The following RREB1 variants were observed in gnomAD, a reference collection of about 807,000 sequenced individuals.
The protein encoded by RREB1 is ras responsive element binding protein 1, also known as ras-responsive element-binding protein 1.
RREB1 carries 27 observed loss-of-function variants against 117.8 expected under a neutral mutation model. That is an observed-to-expected ratio of 0.23 (90% CI 0.17 to 0.32). The LOEUF (loss-of-function observed/expected upper bound fraction) is 0.32. Ranked by LOEUF, RREB1 falls within the 10% of genes least tolerant of loss-of-function variation. The pLI is 1.00. For synonymous variants in RREB1, 1,298 were observed against 1,026.7 expected (o/e 1.26, Z -5.05); for missense variants, 2,577 against 2,378.2 (o/e 1.08, Z -1.74).
Position 7,231,659 on chromosome 6 carries a change from C to T in RREB1, c.3560C>T (p.Thr1187Ile), listed in dbSNP as rs756679413. ...GCCAGCATCGAGAAGATGCTGGCCA[C>T]CACAGACACCAACAAGTTCAGTCCG... Reference protein sequence around the residue: ...EFASIEKMLATTDTNKFSPFL... With the variant: ...EFASIEKMLAITDTNKFSPFL... Residue 1187 changes from threonine to isoleucine, a missense_variant, in exon 10 of 13, where the codon ACC (threonine) becomes ATC (isoleucine). Thr to Ile is a moderately conservative substitution (Grantham distance 89). Transcript: ENST00000379938. 6.2e-7 allele frequency: 1 copy of T among 1,611,664 alleles called. No individual in the cohort carries two copies.
intron 1 of RREB1, among the ~76,000 whole-genome samples, chr6:7,115,783 C>T (rs1452015104): frequency 1.3e-5 from 2 of 152,180 alleles, no homozygotes; most frequent in African/African-American, 4.8e-5. Context: ...GATCACCCTG[C>T]AAGTACCTTA....
chr6:7,210,906 C>T lies in RREB1; in HGVS notation c.528C>T (p.His176=), dbSNP rs746694845. ...RRLSSKRKLS[H]DAESEREDPA... ...TGTCCTCCAAGAGGAAACTGAGTCA[C>T]GATGCCGAGTCAGAGAGAGAAGACC... The change falls in exon 7 of 13, where the codon CAC becomes CAT. Residue 176 remains histidine, a synonymous_variant. Transcript: ENST00000379938. 38 of 1,614,166 alleles carry T rather than the reference C, an allele frequency of 2.4e-5. No individual in the cohort carries two copies. The highest frequency in any genetic ancestry group is 7.7e-5 in the South Asian group (7 of 91,078).
intron 6 of RREB1, among the ~76,000 whole-genome samples, chr6:7,193,601 TTTTTG>T (rs561592143): frequency 1.3e-5 from 2 of 152,212 alleles, no homozygotes; most frequent in African/African-American, 4.8e-5. Flanking sequence ...ATTTGTTGTT[TTTTTG>T]TTTTGTTTTG....
intron 1 of RREB1, among the ~76,000 whole-genome samples, chr6:7,148,593 G>A (rs887550704): frequency 1.3e-5 from 2 of 151,884 alleles, no homozygotes; most frequent in South Asian, 4.1e-4. Flanking sequence ...AGTGTAAGTT[G>A]TTCATCGTGA....
intron 8 of RREB1, chr6:7,217,747 TTTTTATATAAAA>T (rs1766988652): frequency 1.3e-5 from 2 of 152,122 alleles, no homozygotes; most frequent in African/African-American, 4.8e-5. Context: ...TAGAATGTAT[TTTTTATATAAAA>T]TTTTATATAA....
At chr6:7,224,711 G>A (rs544930099) in intron 8 of RREB1, among the ~76,000 whole-genome samples, 6 of 152,232 alleles carry the variant, frequency 3.9e-5, no homozygotes, top group South Asian at 2.1e-4. Flanking sequence ...GATTTAGACC[G>A]CTGGGTACTT....
intron 4 of RREB1, among the ~76,000 whole-genome samples, chr6:7,184,346 C>T (rs923372281): frequency 2.7e-5 from 4 of 149,828 alleles, no homozygotes; most frequent in African/African-American, 7.3e-5. Context: ...TGGTTGATTC[C>T]TAGTTTCATA....
rs1761926959 is a variant in RREB1, at chr6:7,126,318, A to G, written c.-285+18258A>G. 2.0e-5 allele frequency among the ~76,000 whole-genome samples: 3 copies of G among 148,290 alleles called. No homozygotes were observed. In the South Asian group the frequency reaches 6.4e-4, roughly 32 times the overall value. ...CCCGGCCTCGATTCCCCCCCGACCC[A>G]TTCTTGTTGCCCAGGCTGGAGTGCA... On this transcript the variant is annotated intron_variant, in intron 1 of 12. Coordinates refer to ENST00000379938, the MANE Select transcript of RREB1 (RefSeq NM_001003699.4).
chr6:7,168,712 C>G (rs898647151), intron 1 of RREB1, among the ~76,000 whole-genome samples: 1 of 152,216 alleles, frequency 6.6e-6, no homozygotes, highest in Non-Finnish European at 1.5e-5. Flanking sequence ...CTCTTGTCTC[C>G]ATTCTGTTAG....
At chr6:7,138,818 T>G (rs977553282) in intron 1 of RREB1, among the ~76,000 whole-genome samples, 5 of 152,250 alleles carry the variant, frequency 3.3e-5, no homozygotes, top group Non-Finnish European at 7.3e-5. Flanking sequence ...TAAAAGTAAC[T>G]TGTTCCTAGT....
chr6:7,168,456 G>T (rs1317487824), intron 1 of RREB1, among the ~76,000 whole-genome samples: 1 of 152,116 alleles, frequency 6.6e-6, no homozygotes, highest in African/African-American at 2.4e-5. Context: ...CCCATTGCCG[G>T]ACTGGGGTTT....
At chr6:7,116,603 G>A (rs1761409789) in intron 1 of RREB1, among the ~76,000 whole-genome samples, 1 of 152,180 alleles carries the variant, frequency 6.6e-6, no homozygotes. Context: ...ATAGCCACAT[G>A]TAATTTGGAA....
At chr6:7,133,584 TG>T (rs1376383344) in intron 1 of RREB1, among the ~76,000 whole-genome samples, 2 of 152,158 alleles carry the variant, frequency 1.3e-5, no homozygotes, top group Non-Finnish European at 2.9e-5. Context: ...AATGAATGAA[TG>T]TTCTTATTCA....
At chr6:7,122,536 G>A (rs1761723740) in intron 1 of RREB1, among the ~76,000 whole-genome samples, 1 of 152,196 alleles carries the variant, frequency 6.6e-6, no homozygotes, top group Non-Finnish European at 1.5e-5. Context: ...AAAGTGCTGG[G>A]ATTACAGGCA....
At chr6:7,121,814 G>A (rs889053189) in intron 1 of RREB1, among the ~76,000 whole-genome samples, 7 of 151,856 alleles carry the variant, frequency 4.6e-5, no homozygotes, top group South Asian at 2.1e-4. Context: ...CGACAGTGAC[G>A]TGTTTTCCAC....
intron 10 of RREB1, among the ~76,000 whole-genome samples, chr6:7,236,890 T>TTG (rs1768365240): frequency 7.6e-6 from 1 of 131,128 alleles, no homozygotes; most frequent in Non-Finnish European, 1.6e-5. Context: ...TTTGGAGGTT[T>TTG]TTTTTTTTTT....
intron 6 of RREB1, among the ~76,000 whole-genome samples, chr6:7,202,507 G>T (rs939013580): frequency 6.6e-6 from 1 of 152,196 alleles, no homozygotes; most frequent in East Asian, 1.9e-4. Context: ...GCTGGTCTCT[G>T]GTGGCCGGCG....
At chr6:7,205,039 G>A (rs1561779656) in intron 6 of RREB1, among the ~76,000 whole-genome samples, 1 of 152,200 alleles carries the variant, frequency 6.6e-6, no homozygotes, top group East Asian at 1.9e-4. Context: ...TGGAAGATGA[G>A]TCTGGGAGAT....
At chr6:7,210,747 CAT>C in intron 6 of RREB1, 55 bp from the exon 7 acceptor site, 1 of 1,502,296 alleles carries the variant, frequency 6.7e-7, no homozygotes, top group South Asian at 1.3e-5. Flanking sequence ...ATATTAAAAA[CAT>C]AAATGAACTG....
Sources: gnomAD v4.1 joint callset for allele counts (sites outside exome capture counted in the v4.1 genomes callset) on GRCh38, gnomAD v4.1.1 for gene constraint, MANE v1.5 for transcripts, NCBI Gene and HGNC (gene_info 2026-07-23, HGNC 2026-07-21) for gene names.